The following RBFOX1 variants were observed in gnomAD, a reference collection of about 807,000 sequenced individuals.
The protein encoded by RBFOX1 is RNA binding fox-1 homolog 1.
Under a neutral mutation model 57.7 loss-of-function variants are expected in RBFOX1, and 8 were observed. The observed-to-expected ratio is 0.14, with a 90% CI of 0.08 to 0.25. The LOEUF is 0.25. RBFOX1 is among the 10% of genes least tolerant of loss of function. The pLI is 1.00. For missense variants in RBFOX1, 611 were observed against 548.5 expected, an observed-to-expected ratio of 1.11 and a Z score of -1.14; for synonymous variants, 326 against 222.4, an observed-to-expected ratio of 1.47 and a Z score of -4.15.
intron 2 of RBFOX1, among the ~76,000 whole-genome samples, chr16:6,536,376 C>A (rs1040556334): frequency 6.6e-6 from 1 of 152,096 alleles, no homozygotes; most frequent in Non-Finnish European, 1.5e-5. Context: ...CAATTGACTC[C>A]AAATGTTTTG....
intron 5 of RBFOX1, among the ~76,000 whole-genome samples, chr16:7,519,489 T>G (rs111699124): frequency 6.9e-4 from 105 of 152,354 alleles, no homozygotes; most frequent in African/African-American, 2.2e-3. Flanking sequence ...ACAGAAACAT[T>G]TTATCATCAC....
chr16:7,132,789 A>C (rs1474276744), intron 4 of RBFOX1, among the ~76,000 whole-genome samples: 1 of 152,208 alleles, frequency 6.6e-6, no homozygotes, highest in Non-Finnish European at 1.5e-5. Context: ...TGAAACTCTT[A>C]GAAACAGTGG....
At chr16:5,553,912 C>T (rs934357524) in intron 2 of RBFOX1, among the ~76,000 whole-genome samples, 5 of 151,426 alleles carry the variant, frequency 3.3e-5, no homozygotes, top group East Asian at 1.9e-4. Flanking sequence ...GATGTCTGGA[C>T]GATTGGCAAA....
intron 1 of RBFOX1, among the ~76,000 whole-genome samples, chr16:6,173,415 T>C (rs2096976920): frequency 6.6e-6 from 1 of 152,118 alleles, no homozygotes; most frequent in Admixed American, 6.5e-5. Context: ...TTTGCAGTCA[T>C]ATGCATCACT....
intron 4 of RBFOX1, among the ~76,000 whole-genome samples, chr16:7,080,079 AT>A (rs2058958389): frequency 8.4e-6 from 1 of 119,022 alleles, no homozygotes; most frequent in Non-Finnish European, 1.8e-5. Context: ...ACATATATAC[AT>A]ATGTATATAT....
At chr16:5,361,630 C>T (rs562231603) in intron 1 of RBFOX1, among the ~76,000 whole-genome samples, 2 of 152,170 alleles carry the variant, frequency 1.3e-5, no homozygotes, top group East Asian at 1.9e-4. Flanking sequence ...TGATTGCAAA[C>T]GTTGCAAGCC....
chr16:5,304,297 C>G (rs970477816), intron 1 of RBFOX1, among the ~76,000 whole-genome samples: 1 of 152,174 alleles, frequency 6.6e-6, no homozygotes. Flanking sequence ...TCTGCTATGC[C>G]TTTTAGGGAC....
intron 3 of RBFOX1, among the ~76,000 whole-genome samples, chr16:6,949,133 G>A (rs1417586453): frequency 6.6e-6 from 1 of 152,122 alleles, no homozygotes; most frequent in African/African-American, 2.4e-5. Flanking sequence ...AACATGGATA[G>A]GGATATGTAA....
chr16:7,452,991 T>C (rs2057684374), intron 4 of RBFOX1, among the ~76,000 whole-genome samples: 1 of 151,768 alleles, frequency 6.6e-6, no homozygotes, highest in Non-Finnish European at 1.5e-5. Context: ...TAGCAGGGCA[T>C]GGTGGTGCAT....
intron 4 of RBFOX1, among the ~76,000 whole-genome samples, chr16:5,973,630 A>T (rs936452471): frequency 3.9e-5 from 6 of 152,244 alleles, no homozygotes; most frequent in Non-Finnish European, 8.8e-5. Context: ...TATTTGGTCA[A>T]GTATTATTCT....
At chr16:7,417,001 C>A (rs928673305) in intron 4 of RBFOX1, among the ~76,000 whole-genome samples, 1 of 152,112 alleles carries the variant, frequency 6.6e-6, no homozygotes, top group Admixed American at 6.5e-5. Context: ...CAGTGTGGGG[C>A]TCGTAAACTT....
At chr16:5,913,504 C>T (rs568245162) in intron 4 of RBFOX1, among the ~76,000 whole-genome samples, 99 of 152,246 alleles carry the variant, frequency 6.5e-4, no homozygotes, top group African/African-American at 2.3e-3. Flanking sequence ...TCTTCCTTGC[C>T]GTATGACACA....
chr16:6,811,721 C>G (rs1334201563), intron 3 of RBFOX1, among the ~76,000 whole-genome samples: 5 of 152,148 alleles, frequency 3.3e-5, no homozygotes, highest in East Asian at 1.9e-4. Flanking sequence ...GAAATCCCAT[C>G]TCTTCAAAAA....
chr16:6,896,386 C>A (rs913468872), intron 3 of RBFOX1, among the ~76,000 whole-genome samples: 13 of 152,072 alleles, frequency 8.5e-5, no homozygotes, highest in African/African-American at 4.8e-5. Context: ...CTTTTTCTTT[C>A]TTTTTTTCTT....
intron 1 of RBFOX1, among the ~76,000 whole-genome samples, chr16:6,033,802 G>C (rs973348137): frequency 3.9e-5 from 6 of 152,204 alleles, no homozygotes; most frequent in African/African-American, 1.2e-4. Context: ...AGGTGAAATT[G>C]TTAGGTCAAA....
At chr16:6,601,816 C>G (rs2097856753) in intron 2 of RBFOX1, among the ~76,000 whole-genome samples, 1 of 152,082 alleles carries the variant, frequency 6.6e-6, no homozygotes, top group Admixed American at 6.6e-5. Flanking sequence ...CTAGTGCTGC[C>G]CGCATGGAAT....
intron 3 of RBFOX1, among the ~76,000 whole-genome samples, chr16:6,769,938 A>G (rs937130939): frequency 1.3e-5 from 2 of 152,186 alleles, no homozygotes; most frequent in Admixed American, 1.3e-4. Flanking sequence ...GGATTTCGTG[A>G]ACTGTTCCTA....
chr16:5,348,719 A>G (rs1467160362), intron 1 of RBFOX1, among the ~76,000 whole-genome samples: 2 of 152,234 alleles, frequency 1.3e-5, no homozygotes, highest in Admixed American at 6.5e-5. Context: ...TTGGTTAATA[A>G]TGAGGACCCC....
intron 3 of RBFOX1, among the ~76,000 whole-genome samples, chr16:5,620,170 G>C (rs557226048): frequency 1.3e-5 from 2 of 151,986 alleles, no homozygotes; most frequent in East Asian, 1.9e-4. Context: ...GGAGCTTTGC[G>C]TACATTTTTG....
Sources: allele counts gnomAD v4.1 joint callset (sites outside exome capture counted in the v4.1 genomes callset), GRCh38; gene constraint gnomAD v4.1.1; transcripts MANE v1.5; gene names NCBI Gene and HGNC (gene_info 2026-07-23, HGNC 2026-07-21).